Variants in CD86 observed in about 807,000 individuals in gnomAD.
CD86 encodes the protein CD86 molecule, also known as T-lymphocyte activation antigen CD86.
CD86 carries 11 observed loss-of-function variants against 32.1 expected under a neutral mutation model. That is an observed-to-expected ratio of 0.34 (90% CI 0.22 to 0.57). The LOEUF is 0.57. CD86 is among the 20% of genes least tolerant of loss of function. CD86 has a pLI of 0.86. For missense variants in CD86, 359 were observed against 398.4 expected (o/e 0.90, Z 0.84); for synonymous variants, 137 against 135.3 (o/e 1.01, Z -0.09).
chr3:122,056,826 A>G (rs1200036064), intron 1 of CD86, among the ~76,000 whole-genome samples: 3 of 152,184 alleles, frequency 2.0e-5, no homozygotes, highest in Non-Finnish European at 2.9e-5. Flanking sequence ...AGAATTTCAA[A>G]ATTTATAATT....
chr3:122,102,222 C>T (rs1322757450), intron 2 of CD86, among the ~76,000 whole-genome samples: 4 of 152,004 alleles, frequency 2.6e-5, no homozygotes, highest in East Asian at 3.9e-4. Context: ...CCTCTCATCT[C>T]TCTCATCAAC....
At chr3:122,106,086 G>T (rs1489574475) in intron 3 of CD86, 112 bp from the exon 4 acceptor site, 2 of 737,810 alleles carry the variant, frequency 2.7e-6, no homozygotes, top group Admixed American at 3.0e-5. Context: ...ACACCCTGAG[G>T]CTCCCAGGTG....
intron 5 of CD86, among the ~76,000 whole-genome samples, chr3:122,114,364 TTC>T (rs2073218799): frequency 6.6e-6 from 1 of 152,154 alleles, no homozygotes; most frequent in South Asian, 2.1e-4. Flanking sequence ...ATTGCCCTCT[TTC>T]CATAAACAAC....
chr3:122,077,830 T>C, intron 1 of CD86: 1 of 985,570 alleles, frequency 1.0e-6, no homozygotes, highest in Non-Finnish European at 1.2e-6. Flanking sequence ...GGCTGTGGTG[T>C]TGTTTCTCTA....
chr3:122,105,978 G>C (rs543784582), intron 3 of CD86, among the ~76,000 whole-genome samples: 1 of 152,066 alleles, frequency 6.6e-6, no homozygotes, highest in Non-Finnish European at 1.5e-5. Context: ...CTTTGATTTG[G>C]ATAAGCAGGA....
chr3:122,067,354 G>T (rs1317162215), intron 1 of CD86, among the ~76,000 whole-genome samples: 1 of 152,198 alleles, frequency 6.6e-6, no homozygotes, highest in Non-Finnish European at 1.5e-5. Context: ...CAAACAAGAG[G>T]TGACAAAGAC....
intron 1 of CD86, among the ~76,000 whole-genome samples, chr3:122,070,360 G>C (rs969892045): frequency 6.6e-6 from 1 of 152,092 alleles, no homozygotes; most frequent in African/African-American, 2.4e-5. Flanking sequence ...AGGGCAGCTA[G>C]GGAGGCAGAA....
At position 122,106,498 on chromosome 3, in the gene CD86, T is replaced by G; in HGVS notation, c.701T>G (p.Ile234Arg). 6.3e-7 allele frequency: 1 copy of G among 1,595,074 alleles called. No individual in the cohort carries two copies. Among genetic ancestry groups the G allele is most frequent in the Non-Finnish European group, 8.5e-7 (1 of 1,169,600 alleles). Residue 234 changes from isoleucine (I) to arginine (R), a missense_variant and splice_region_variant, in exon 4 of 7, where the codon ATA becomes AGA. Transcript: ENST00000330540. ...CGGCTTTTATCTTCACCTTTCTCTATAGGTAAAGCTGTTTTCCAAGACTAT... is the reference window on the plus strand; with the variant it reads ...CGGCTTTTATCTTCACCTTTCTCTAGAGGTAAAGCTGTTTTCCAAGACTAT... Reference protein sequence around the residue: ...KTRLLSSPFSIELEDPQPPPD... With the variant: ...KTRLLSSPFSRELEDPQPPPD...
intron 5 of CD86, 44 bp from the exon 6 acceptor site, chr3:122,118,003 TC>T (rs200746861): frequency 0.011 from 16,729 of 1,543,164 alleles, 126 homozygotes; most frequent in Middle Eastern, 0.017. Flanking sequence ...TCTTTTGGTA[TC>T]TAGGAGGAAT....
At chr3:122,102,746 C>T (rs1013151822) in intron 2 of CD86, among the ~76,000 whole-genome samples, 2 of 152,146 alleles carry the variant, frequency 1.3e-5, no homozygotes, top group Non-Finnish European at 2.9e-5. Context: ...TTGACCACCA[C>T]AATCCGAAAA....
At chr3:122,081,542 T>A (rs2072634134) in intron 1 of CD86, among the ~76,000 whole-genome samples, 1 of 152,212 alleles carries the variant, frequency 6.6e-6, no homozygotes, top group Non-Finnish European at 1.5e-5. Flanking sequence ...TGCAAAGCCT[T>A]TCAAGGACAG....
Position 122,120,732 on chromosome 3 carries a change from A to G in CD86, c.*1198A>G, listed in dbSNP as rs1399468640. The G allele has an allele frequency of 6.6e-6, 1 of 152,422 alleles. No homozygotes were observed. The highest frequency in any genetic ancestry group is 2.4e-5 in the African/African-American group (1 of 41,460). The allele number at this position is 152,422 out of a possible 1,614,324, so 9.4% of individuals were successfully genotyped here. A position where few individuals can be genotyped will look rare whatever the true frequency, so the allele number is the denominator to read the frequency against. The stretch of plus-strand genomic sequence containing the variant: ...CCAAGACACAGATCACCCGGGGCTT[A>G]CTTAGCCTACAGATGTCCTACGGGA... On this transcript the variant is annotated 3_prime_UTR_variant, in exon 7 of 7. Transcript: ENST00000330540.
chr3:122,108,179 CT>C (rs2073120384), intron 4 of CD86, among the ~76,000 whole-genome samples: 1 of 152,226 alleles, frequency 6.6e-6, no homozygotes, highest in African/African-American at 2.4e-5. Context: ...GTACCCCCAT[CT>C]TCAGAAATGT....
At chr3:122,103,408 T>C (rs184333802) in intron 2 of CD86, 104 bp from the exon 3 acceptor site, 5 of 731,332 alleles carry the variant, frequency 6.8e-6, no homozygotes, top group Non-Finnish European at 1.1e-5. Flanking sequence ...TTCTTCAGCA[T>C]GATTACTGAT....
intron 1 of CD86, among the ~76,000 whole-genome samples, chr3:122,060,080 T>C (rs1185515837): frequency 6.6e-6 from 1 of 152,160 alleles, no homozygotes; most frequent in Non-Finnish European, 1.5e-5. Context: ...AGCAAACTAA[T>C]ACACTTGGTG....
rs201148004 is a variant in CD86, at chr3:122,119,478, C to A, written c.934C>A (p.Arg312Ser). ...ACCTGAAAGATCTGATGAAGCCCAGCGTGTTTTTAAAAGTTCGAAGACATC... is the reference window on the plus strand; with the variant it reads ...ACCTGAAAGATCTGATGAAGCCCAGAGTGTTTTTAAAAGTTCGAAGACATC... ...HIPERSDEAQRVFKSSKTSSC... is the reference protein window; with the variant it reads ...HIPERSDEAQSVFKSSKTSSC... The change falls in exon 7 of 7, where the codon CGT becomes AGT. Residue 312 changes from arginine to serine, a missense_variant. Coordinates refer to ENST00000330540, the MANE Select transcript of CD86 (RefSeq NM_175862.5). 3 of 1,611,274 alleles carry A rather than the reference C, an allele frequency of 1.9e-6. No homozygotes were observed. The highest frequency in any genetic ancestry group is 2.7e-5 in the African/African-American group (2 of 74,856).
At chr3:122,058,814 T>C (rs1028875338) in intron 1 of CD86, among the ~76,000 whole-genome samples, 11 of 152,086 alleles carry the variant, frequency 7.2e-5, no homozygotes, top group Non-Finnish European at 1.3e-4. Context: ...AAGGAGATCA[T>C]TTAGGAGACT....
At chr3:122,101,495 GAAAAAA>G (rs72402574) in intron 2 of CD86, among the ~76,000 whole-genome samples, 17 of 53,358 alleles carry the variant, frequency 3.2e-4, no homozygotes, top group Admixed American at 7.7e-4. Context: ...AGGCTCTACA[GAAAAAA>G]AAAAAAAAAA....
chr3:122,118,100 C>G lies in CD86; in HGVS notation c.893+7C>G, dbSNP rs2073283116. On this transcript the variant is annotated splice_region_variant and intron_variant, in intron 6 of 6. Transcript: ENST00000330540. ...GTGAACAGACCAAGAAAAGGTAAAT[C>G]CTGACCCTGAGACATTGATGAGAGA... The G allele has an allele frequency of 1.9e-6, 3 of 1,570,194 alleles. No homozygotes were observed. Among genetic ancestry groups the G allele is most frequent in the East Asian group, 2.3e-5 (1 of 43,456 alleles).
Sources: gnomAD v4.1 joint callset for allele counts (sites outside exome capture counted in the v4.1 genomes callset) on GRCh38, gnomAD v4.1.1 for gene constraint, MANE v1.5 for transcripts, NCBI Gene and HGNC (gene_info 2026-07-23, HGNC 2026-07-21) for gene names.